The following IL1RAPL2 variants were observed in gnomAD, a reference collection of about 807,000 sequenced individuals.
IL1RAPL2 encodes interleukin 1 receptor accessory protein like 2, also known as X-linked interleukin-1 receptor accessory protein-like 2.
In IL1RAPL2, 3 loss-of-function variants were observed where a neutral mutation model predicts 44.1. The observed-to-expected ratio is 0.07, with a 90% CI of 0.03 to 0.18. The LOEUF (loss-of-function observed/expected upper bound fraction) is 0.18. Ranked by LOEUF, IL1RAPL2 falls within the 10% of genes least tolerant of loss-of-function variation. The pLI is 1.00. For missense variants in IL1RAPL2, 391 were observed against 496.4 expected, an observed-to-expected ratio of 0.79 and a Z score of 2.02; for synonymous variants, 181 against 178.8, an observed-to-expected ratio of 1.01 and a Z score of -0.10.
At chrX:105,153,925 A>G (rs1164237550) in intron 2 of IL1RAPL2, among the ~76,000 whole-genome samples, 1 of 111,516 alleles carries the variant, frequency 9.0e-6, no homozygotes, top group Non-Finnish European at 1.9e-5. Flanking sequence ...CAGACTCTCC[A>G]AAAATGACCT....
At chrX:105,375,950 CT>C (rs1393160971) in intron 5 of IL1RAPL2, among the ~76,000 whole-genome samples, 4 of 111,934 alleles carry the variant, frequency 3.6e-5, no homozygotes, top group Non-Finnish European at 5.6e-5. Context: ...ACAGTAAGCA[CT>C]TAATAATTAT....
At chrX:104,949,050 G>C (rs1925484527) in intron 2 of IL1RAPL2, among the ~76,000 whole-genome samples, 2 of 110,330 alleles carry the variant, frequency 1.8e-5, no homozygotes, top group South Asian at 7.9e-4. Context: ...TCTCGTCCTG[G>C]ACTCTTTTTG....
intron 2 of IL1RAPL2, among the ~76,000 whole-genome samples, chrX:105,094,040 G>GTGC (rs3057322): frequency 0.012 from 1,346 of 111,836 alleles, 23 homozygotes; most frequent in African/African-American, 0.041. Flanking sequence ...ACTAGAGCAT[G>GTGC]TGCTGAGCCA....
intron 2 of IL1RAPL2, among the ~76,000 whole-genome samples, chrX:104,992,865 A>G (rs945242811): frequency 9.0e-6 from 1 of 111,437 alleles, no homozygotes; most frequent in African/African-American, 3.3e-5. Flanking sequence ...ATTTAGCTTG[A>G]GCAAGAATAG....
chrX:105,334,158 A>G (rs1458790881), intron 5 of IL1RAPL2, among the ~76,000 whole-genome samples: 1 of 112,384 alleles, frequency 8.9e-6, no homozygotes, highest in African/African-American at 3.2e-5. Context: ...AATTTAGTAC[A>G]TATACAAAAT....
At chrX:105,611,849 A>T (rs1050351092) in intron 6 of IL1RAPL2, among the ~76,000 whole-genome samples, 8 of 112,079 alleles carry the variant, frequency 7.1e-5, no homozygotes, top group Middle Eastern at 4.6e-3. Flanking sequence ...TTTTGTGTGT[A>T]TCAGCAGCTT....
intron 10 of IL1RAPL2, among the ~76,000 whole-genome samples, chrX:105,755,816 A>G (rs2038633495): frequency 8.9e-6 from 1 of 111,848 alleles, no homozygotes; most frequent in African/African-American, 3.2e-5. Flanking sequence ...TTAAAAAGGT[A>G]TATGAGGCCA....
intron 2 of IL1RAPL2, among the ~76,000 whole-genome samples, chrX:104,996,336 T>C (rs1264834197): frequency 9.0e-6 from 1 of 111,712 alleles, no homozygotes; most frequent in African/African-American, 3.2e-5. Flanking sequence ...TACCAAGCAA[T>C]TGGAGATATC....
chrX:105,309,256 C>G (rs1378016763), intron 5 of IL1RAPL2, among the ~76,000 whole-genome samples: 1 of 106,093 alleles, frequency 9.4e-6, no homozygotes, highest in Non-Finnish European at 1.9e-5. Context: ...AGGCTGGTCT[C>G]AAACTCCTGA....
In IL1RAPL2 at chrX:105,259,158, C is replaced by G. The variant is rs1272217297; in HGVS notation, c.544-8230C>G. Among the ~76,000 whole-genome samples the G allele has an allele frequency of 1.1e-4, 12 of 111,871 alleles. No individual in the cohort carries two copies. In the Admixed American group the frequency reaches 1.1e-3, roughly 11 times the overall value. ...GTGCATGGTCTTTATTTGAAGCTTA[C>G]TTCCTGTCTCTGGTTTCAGAGGGGG... On this transcript the variant is annotated intron_variant, in intron 4 of 10. Transcript: ENST00000372582.
intron 2 of IL1RAPL2, among the ~76,000 whole-genome samples, chrX:105,075,178 T>C (rs1399221522): frequency 1.8e-5 from 2 of 111,428 alleles, no homozygotes; most frequent in Non-Finnish European, 3.8e-5. Context: ...GGCTGTGGGT[T>C]TGTCATAGAT....
At chrX:105,303,909 TG>T (rs778202010) in intron 5 of IL1RAPL2, among the ~76,000 whole-genome samples, 31 of 112,822 alleles carry the variant, frequency 2.7e-4, no homozygotes, top group Non-Finnish European at 4.5e-4. Context: ...AGATGTCAGT[TG>T]CACTTGGAAG....
chrX:105,715,438 T>C (rs2038248959), intron 6 of IL1RAPL2, among the ~76,000 whole-genome samples: 1 of 111,644 alleles, frequency 9.0e-6, no homozygotes, highest in Non-Finnish European at 1.9e-5. Context: ...GTCAATAAGG[T>C]AGAATGAATT....
intron 2 of IL1RAPL2, among the ~76,000 whole-genome samples, chrX:104,806,870 C>A (rs763158468): frequency 9.0e-6 from 1 of 111,583 alleles, no homozygotes; most frequent in Admixed American, 9.5e-5. Context: ...AGATAATCCA[C>A]GTAAAGGGGT....
At chrX:104,573,720 T>C (rs1436929616) in intron 1 of IL1RAPL2, among the ~76,000 whole-genome samples, 1 of 112,472 alleles carries the variant, frequency 8.9e-6, no homozygotes, top group Admixed American at 9.4e-5. Context: ...TAACTTATAT[T>C]GGAAATTATA....
rs967883021 is a variant in IL1RAPL2, at chrX:105,714,445, T to G, written c.773-2922T>G. ...CACTCTCGGTACCAATTTTTCTGTCTTAGTCCATTTTCTGCTGCTATAACA... is the reference window on the plus strand; with the variant it reads ...CACTCTCGGTACCAATTTTTCTGTCGTAGTCCATTTTCTGCTGCTATAACA... On this transcript the variant is annotated intron_variant, in intron 6 of 10. Coordinates refer to ENST00000372582, the MANE Select transcript of IL1RAPL2 (RefSeq NM_017416.2). 6.2e-5 allele frequency among the ~76,000 whole-genome samples: 7 copies of G among 112,071 alleles called. No individual in the cohort carries two copies. In the South Asian group the frequency reaches 1.1e-3, roughly 18 times the overall value.
intron 2 of IL1RAPL2, among the ~76,000 whole-genome samples, chrX:104,844,652 G>A (rs898578019): frequency 8.9e-6 from 1 of 111,883 alleles, no homozygotes; most frequent in African/African-American, 3.2e-5. Flanking sequence ...ATCTCATAAT[G>A]TTTTAAGAGA....
At chrX:105,175,248 C>T (rs888826488) in intron 2 of IL1RAPL2, among the ~76,000 whole-genome samples, 14 of 111,571 alleles carry the variant, frequency 1.3e-4, no homozygotes, top group South Asian at 3.7e-4. Context: ...CCCTAATTTA[C>T]AAGAAACTCT....
At chrX:105,766,912 A>AGAG in intron 10 of IL1RAPL2, 52 bp from the exon 11 acceptor site, 1 of 912,511 alleles carries the variant, frequency 1.1e-6, no homozygotes, top group South Asian at 2.3e-5. Flanking sequence ...CTGATGCTTT[A>AGAG]GAGACTGGCA....
Sources: allele counts gnomAD v4.1 joint callset (sites outside exome capture counted in the v4.1 genomes callset), GRCh38; gene constraint gnomAD v4.1.1; transcripts MANE v1.5; gene names NCBI Gene and HGNC (gene_info 2026-07-23, HGNC 2026-07-21).